IMMP2L: variants seen among roughly 807,000 people sequenced by gnomAD.
IMMP2L encodes the protein inner mitochondrial membrane peptidase subunit 2.
IMMP2L carries 18 observed loss-of-function variants against 19.3 expected under a neutral mutation model. That is an observed-to-expected ratio of 0.93 (90% confidence interval 0.64 to 1.38). The LOEUF is 1.38. Ranked by LOEUF, IMMP2L falls within the 40% of genes most tolerant of loss-of-function variation. The pLI, the probability that IMMP2L is intolerant of heterozygous loss-of-function variation, is 0.00. For missense variants in IMMP2L, 233 were observed against 218.2 expected (o/e 1.07, Z -0.43); for synonymous variants, 76 against 73.0 (o/e 1.04, Z -0.21).
At chr7:110,836,125 A>G (rs933790947) in intron 5 of IMMP2L, among the ~76,000 whole-genome samples, 16 of 152,124 alleles carry the variant, frequency 1.1e-4, no homozygotes, top group Non-Finnish European at 1.9e-4. Flanking sequence ...TAAACATGTG[A>G]CCTGGTGGAA....
chr7:110,954,854 A>C (rs1818204814), intron 4 of IMMP2L, among the ~76,000 whole-genome samples: 1 of 152,038 alleles, frequency 6.6e-6, no homozygotes, highest in Non-Finnish European at 1.5e-5. Context: ...GAAACCACTG[A>C]CAGGGGTGGG....
Position 110,727,101 on chromosome 7 carries a change from G to A in IMMP2L, c.409-63380C>T, listed in dbSNP as rs868662525. Reference sequence around the variant, plus strand: ...GTCAGTGAGCTTTAAAATCCTCCAAGTCCAGGCTGGGTGCAATGGCTCACG... The same window carrying A: ...GTCAGTGAGCTTTAAAATCCTCCAAATCCAGGCTGGGTGCAATGGCTCACG... On this transcript the variant is annotated intron_variant, in intron 5 of 5. Transcript: ENST00000405709. This position sits in a 1 kb window ranked among gnomAD's most constrained non-coding sequence, Gnocchi z 4.3. Among the ~76,000 whole-genome samples the A allele has an allele frequency of 5.3e-5, 8 of 152,184 alleles. No individual in the cohort carries two copies. The highest frequency in any genetic ancestry group is 1.4e-4 in the African/African-American group (6 of 41,450).
chr7:110,822,065 C>A (rs1283102467), intron 5 of IMMP2L, among the ~76,000 whole-genome samples: 2 of 152,088 alleles, frequency 1.3e-5, no homozygotes, highest in Admixed American at 6.6e-5. Flanking sequence ...GTGTCTCCTG[C>A]CTGAGATCCT....
At chr7:111,121,606 A>G (rs1800625496) in intron 3 of IMMP2L, among the ~76,000 whole-genome samples, 1 of 152,204 alleles carries the variant, frequency 6.6e-6, no homozygotes, top group Non-Finnish European at 1.5e-5. Flanking sequence ...ATGTGGAGAA[A>G]TAGGAACACT....
intron 3 of IMMP2L, among the ~76,000 whole-genome samples, chr7:111,419,369 C>G (rs1392930509): frequency 4.6e-5 from 7 of 151,378 alleles, no homozygotes; most frequent in Admixed American, 2.0e-4. Context: ...AAATTTCTTA[C>G]CTAAGAGGAT....
At chr7:110,960,438 T>C (rs1818814166) in intron 4 of IMMP2L, among the ~76,000 whole-genome samples, 1 of 151,966 alleles carries the variant, frequency 6.6e-6, no homozygotes. Context: ...GGACCTTTCA[T>C]ATAAATGGAA....
chr7:110,944,864 T>C (rs1817097855), intron 4 of IMMP2L, among the ~76,000 whole-genome samples: 1 of 151,974 alleles, frequency 6.6e-6, no homozygotes, highest in South Asian at 2.1e-4. Context: ...GAATGTACTA[T>C]AATGTCCTTA....
chr7:111,338,799 C>T (rs1346352237), intron 3 of IMMP2L, among the ~76,000 whole-genome samples: 9 of 152,046 alleles, frequency 5.9e-5, no homozygotes, highest in Admixed American at 5.9e-4. Flanking sequence ...AAAGAATTAG[C>T]AGGAATTCCA....
chr7:111,267,091 C>T (rs1319708448), intron 3 of IMMP2L, among the ~76,000 whole-genome samples: 1 of 152,128 alleles, frequency 6.6e-6, no homozygotes, highest in Non-Finnish European at 1.5e-5. Context: ...ATCACAACTA[C>T]AAATTCAATT....
At chr7:110,772,420 A>G (rs1766810912) in intron 5 of IMMP2L, among the ~76,000 whole-genome samples, 1 of 152,106 alleles carries the variant, frequency 6.6e-6, no homozygotes, top group African/African-American at 2.4e-5. Context: ...CAGTCACCCA[A>G]TTTAACCTAC....
intron 2 of IMMP2L, among the ~76,000 whole-genome samples, chr7:111,492,833 T>G (rs1843223216): frequency 6.6e-6 from 1 of 151,928 alleles, no homozygotes; most frequent in African/African-American, 2.4e-5. Context: ...AGCAACAGAG[T>G]TTTCTTTTAC....
intron 3 of IMMP2L, among the ~76,000 whole-genome samples, chr7:111,450,663 T>C (rs1444533502): frequency 6.7e-6 from 1 of 149,660 alleles, no homozygotes; most frequent in African/African-American, 2.5e-5. Context: ...GGACTTCATG[T>C]CCAAAACACC....
At chr7:111,042,557 C>T (rs1238731432) in intron 3 of IMMP2L, among the ~76,000 whole-genome samples, 2 of 152,200 alleles carry the variant, frequency 1.3e-5, no homozygotes, top group Admixed American at 6.5e-5. Context: ...AAACAACAAG[C>T]TCAAGCTCAA....
rs939220852 is a variant in IMMP2L at position 111,506,879 on chromosome 7, T to C, written c.135+14434A>G. Among the ~76,000 whole-genome samples the C allele has an allele frequency of 2.6e-5, 4 of 152,178 alleles. No homozygotes were observed. In the East Asian group the frequency reaches 7.7e-4, roughly 29 times the overall value. On this transcript the variant is annotated intron_variant, in intron 2 of 5. Coordinates refer to ENST00000405709, the MANE Select transcript of IMMP2L (RefSeq NM_032549.4). Reference sequence around the variant, plus strand: ...TTGTTTGAGACAGAGTCTCACGGTGTCACCCAGGCTGAAATGCAGTGGCAC... The same window carrying C: ...TTGTTTGAGACAGAGTCTCACGGTGCCACCCAGGCTGAAATGCAGTGGCAC...
intron 5 of IMMP2L, among the ~76,000 whole-genome samples, chr7:110,855,338 A>G (rs1274142289): frequency 6.6e-6 from 1 of 152,048 alleles, no homozygotes; most frequent in African/African-American, 2.4e-5. Context: ...GGATGAAGAG[A>G]TCTAATGCCT....
At chr7:110,950,460 G>T (rs182640902) in intron 4 of IMMP2L, among the ~76,000 whole-genome samples, 1 of 151,872 alleles carries the variant, frequency 6.6e-6, no homozygotes, top group Admixed American at 6.6e-5. Flanking sequence ...GGTTATTCAG[G>T]GTACACTGTT....
intron 3 of IMMP2L, among the ~76,000 whole-genome samples, chr7:111,011,745 A>G (rs535760743): frequency 4.6e-5 from 7 of 152,326 alleles, no homozygotes; most frequent in African/African-American, 1.7e-4. Flanking sequence ...TAAACAAATG[A>G]AAACAAATAA....
At chr7:110,885,576 C>T (rs574530458) in intron 5 of IMMP2L, among the ~76,000 whole-genome samples, 2 of 152,108 alleles carry the variant, frequency 1.3e-5, no homozygotes, top group Admixed American at 1.3e-4. Flanking sequence ...AGTCTCAATT[C>T]TATGGAGTAC....
chr7:111,520,099 G>A (rs1050627980), intron 2 of IMMP2L, among the ~76,000 whole-genome samples: 1 of 152,068 alleles, frequency 6.6e-6, no homozygotes, highest in South Asian at 2.1e-4. Flanking sequence ...AAGAGGCAAC[G>A]AATGTAAAAT....
Sources: allele counts gnomAD v4.1 joint callset (sites outside exome capture counted in the v4.1 genomes callset), GRCh38; gene constraint gnomAD v4.1.1; non-coding constraint Gnocchi (gnomAD v3.1); transcripts MANE v1.5; gene names NCBI Gene and HGNC (gene_info 2026-07-23, HGNC 2026-07-21).